The following STARD7 variants were observed in gnomAD, a reference collection of about 807,000 sequenced individuals.
STARD7 encodes StAR related lipid transfer domain containing 7.
STARD7 carries 30 observed loss-of-function variants against 45.3 expected under a neutral mutation model. The observed-to-expected ratio is 0.66, with a 90% CI of 0.50 to 0.90. The LOEUF (loss-of-function observed/expected upper bound fraction) is 0.90. Ranked by LOEUF, STARD7 falls within the 40% of genes least tolerant of loss-of-function variation. STARD7 has a pLI of 0.00. For missense variants in STARD7, 495 were observed against 491.3 expected, an observed-to-expected ratio of 1.01 and a Z score of -0.07; for synonymous variants, 199 against 183.0, an observed-to-expected ratio of 1.09 and a Z score of -0.70.
rs1683187732 is a variant in STARD7, at chr2:96,195,439, G to A, written c.401C>T (p.Ser134Leu). The A allele has an allele frequency of 6.2e-7, 1 of 1,613,200 alleles. No homozygotes were observed. Among genetic ancestry groups the A allele is most frequent in the Admixed American group, 1.7e-5 (1 of 59,908 alleles). ...TTCCCAACGTTGCTCTTTGCCCTCTGAATCTTCATTCCCTTCTGTTTGGGC... is the reference window on the plus strand; with the variant it reads ...TTCCCAACGTTGCTCTTTGCCCTCTAAATCTTCATTCCCTTCTGTTTGGGC... ...PKAQTEGNED[S>L]EGKEQRWEMV... The change falls in exon 2 of 8, where the codon TCA (serine) becomes TTA (leucine). Residue 134 changes from serine (S) to leucine (L), a missense_variant. Coordinates refer to ENST00000337288, the MANE Select transcript of STARD7 (RefSeq NM_020151.4).
intron 1 of STARD7, among the ~76,000 whole-genome samples, chr2:96,200,094 T>G (rs1215672409): frequency 2.0e-5 from 3 of 152,064 alleles, no homozygotes; most frequent in African/African-American, 4.8e-5. Context: ...GTTGTGTGGT[T>G]TTTTTTTGTT....
intron 1 of STARD7, among the ~76,000 whole-genome samples, chr2:96,204,565 G>A (rs774832611): frequency 2.2e-4 from 33 of 152,060 alleles, no homozygotes; most frequent in African/African-American, 6.0e-4. Flanking sequence ...GGAAGGGGGC[G>A]GGAGGGAAGG....
chr2:96,186,572 G>A lies in STARD7; in HGVS notation c.*158C>T. 1 of 512,618 alleles carries A rather than the reference G, an allele frequency of 2.0e-6. No homozygotes were observed. 31.8% of individuals were successfully genotyped at this position (512,618 alleles called of 1,614,324 possible). A position where few individuals can be genotyped will look rare whatever the true frequency, so the allele number is the denominator to read the frequency against. On this transcript the variant is annotated 3_prime_UTR_variant, in exon 8 of 8. Transcript: ENST00000337288. The stretch of plus-strand genomic sequence containing the variant: ...TTCTGTTTTGATAAGAGCAATAAGG[G>A]CTCTGAATGAAATGGGACATCAGTT...
Position 96,193,077 on chromosome 2 carries a change from C to T in STARD7, c.743+1G>A. ...CAACAGCCACAGGCAGCCATACATA[C>T]CGCGACACCAACACCATCATGTTGT... On this transcript the variant is annotated splice_donor_variant, in intron 5 of 7. Transcript: ENST00000337288. LOFTEE classifies it high-confidence loss of function. 1 of 1,611,550 alleles carries T rather than the reference C, an allele frequency of 6.2e-7. No individual in the cohort carries two copies. Among genetic ancestry groups the T allele is most frequent in the Non-Finnish European group, 8.5e-7 (1 of 1,177,994 alleles).
chr2:96,192,942 C>T, intron 5 of STARD7, 136 bp downstream of exon 5: 1 of 669,826 alleles, frequency 1.5e-6, no homozygotes, highest in African/African-American at 1.8e-5. Context: ...CATCTTCTAG[C>T]TGGATGGAAG....
chr2:96,206,860 T>C (rs1573948818), intron 1 of STARD7, among the ~76,000 whole-genome samples: 2 of 145,984 alleles, frequency 1.4e-5, no homozygotes, highest in African/African-American at 5.1e-5. Context: ...AAAATGAAAA[T>C]TAAAAGTTAA....
At chr2:96,204,849 A>G (rs902677314) in intron 1 of STARD7, among the ~76,000 whole-genome samples, 1 of 152,060 alleles carries the variant, frequency 6.6e-6, no homozygotes, top group Non-Finnish European at 1.5e-5. Flanking sequence ...GAATGCCCTG[A>G]AAGACAGAAA....
chr2:96,192,018 T>C (rs1313221629), intron 6 of STARD7, among the ~76,000 whole-genome samples: 3 of 152,086 alleles, frequency 2.0e-5, no homozygotes, highest in Admixed American at 2.0e-4. Flanking sequence ...TCCAGAAAAG[T>C]TTCCATCCAG....
chr2:96,186,751 A>G lies in STARD7; in HGVS notation c.1092T>C (p.Pro364=), dbSNP rs903146372. 6.2e-7 allele frequency: 1 copy of G among 1,612,010 alleles called. No individual in the cohort carries two copies. The highest frequency in any genetic ancestry group is 8.5e-7 in the Non-Finnish European group (1 of 1,179,230). ...CCTGTCAAGCATACTCAATCCGAGC[A>G]GGGCCACAGCTGCCCTCGTTCTTTC... ...SERKNEGSCG[P]ARIEYA The change falls in exon 8 of 8, where the codon CCT becomes CCC. Residue 364 remains proline (P), a synonymous_variant. Transcript: ENST00000337288.
chr2:96,197,119 A>ACATAAC (rs1558735922), intron 1 of STARD7, among the ~76,000 whole-genome samples: 1 of 143,976 alleles, frequency 6.9e-6, no homozygotes, highest in Non-Finnish European at 1.5e-5. Context: ...AATAAAATAA[A>ACATAAC]ATAAAGCCAA....
intron 1 of STARD7, among the ~76,000 whole-genome samples, chr2:96,203,897 T>C (rs761779501): frequency 5.3e-5 from 8 of 150,714 alleles, no homozygotes; most frequent in Non-Finnish European, 7.4e-5. Context: ...AACCAGGAGG[T>C]GGATGCTTCA....
At chr2:96,199,389 G>A (rs542304684) in intron 1 of STARD7, among the ~76,000 whole-genome samples, 37 of 152,060 alleles carry the variant, frequency 2.4e-4, no homozygotes, top group Non-Finnish European at 5.1e-4. Flanking sequence ...AGTTTTAGTT[G>A]TACACTTGTT....
intron 1 of STARD7, among the ~76,000 whole-genome samples, chr2:96,198,160 T>G (rs1683253735): frequency 6.6e-6 from 1 of 151,918 alleles, no homozygotes; most frequent in Non-Finnish European, 1.5e-5. Context: ...CCATTTCTAC[T>G]AAAAATACAA....
intron 1 of STARD7, among the ~76,000 whole-genome samples, chr2:96,196,708 G>A (rs897504087): frequency 1.3e-5 from 2 of 151,932 alleles, no homozygotes; most frequent in Non-Finnish European, 2.9e-5. Context: ...TGATCTGCCC[G>A]CCTCGGCCTC....
At chr2:96,194,614 C>T (rs1393561576) in intron 3 of STARD7, among the ~76,000 whole-genome samples, 1 of 152,102 alleles carries the variant, frequency 6.6e-6, no homozygotes, top group African/African-American at 2.4e-5. Context: ...GAAATACACA[C>T]TGGAAGAATT....
At chr2:96,189,335 T>C (rs1683088742) in intron 6 of STARD7, among the ~76,000 whole-genome samples, 1 of 152,188 alleles carries the variant, frequency 6.6e-6, no homozygotes, top group Non-Finnish European at 1.5e-5. Context: ...AAGCTTCACA[T>C]GGACTCCTCC....
intron 1 of STARD7, among the ~76,000 whole-genome samples, chr2:96,206,439 A>G (rs1024873136): frequency 6.6e-6 from 1 of 152,130 alleles, no homozygotes; most frequent in African/African-American, 2.4e-5. Context: ...TCTCAAACTT[A>G]ACTGTGGAAC....
chr2:96,197,935 G>C lies in STARD7; in HGVS notation c.291-2386C>G, dbSNP rs76727597. Among the ~76,000 whole-genome samples the C allele has an allele frequency of 0.017, 2,653 of 152,186 alleles. 195 individuals are homozygous for C. The East Asian group carries it at 0.21, about 12-fold the overall frequency. ...TGAATAATATTCCATTGTATGGATAGATCGCATTTTGTTTATCCATTCATC... is the reference window on the plus strand; with the variant it reads ...TGAATAATATTCCATTGTATGGATACATCGCATTTTGTTTATCCATTCATC... On this transcript the variant is annotated intron_variant, in intron 1 of 7. Transcript: ENST00000337288.
rs1389247171 is a variant in STARD7 at position 96,186,917 on chromosome 2, G to A, written c.929-3C>T. ...CTTCTCCAGGAAATCTGGCATGCCT[G>A]TCAGGAGACGAGAATCAGGTTAAGC... On this transcript the variant is annotated splice_polypyrimidine_tract_variant and splice_region_variant and intron_variant, in intron 7 of 7. Coordinates refer to ENST00000337288, the MANE Select transcript of STARD7 (RefSeq NM_020151.4). 1.9e-6 allele frequency: 3 copies of A among 1,610,862 alleles called. No homozygotes were observed. The African/African-American group carries it at 4.0e-5, about 22-fold the overall frequency.
Sources: gnomAD v4.1 joint callset for allele counts (sites outside exome capture counted in the v4.1 genomes callset) on GRCh38, gnomAD v4.1.1 for gene constraint, MANE v1.5 for transcripts, NCBI Gene and HGNC (gene_info 2026-07-23, HGNC 2026-07-21) for gene names.